The following ABCA13 variants were observed in gnomAD, a reference collection of about 807,000 sequenced individuals.
ABCA13 encodes the protein ATP binding cassette subfamily A member 13, also known as ATP-binding cassette sub-family A member 13.
ABCA13 carries 476 observed loss-of-function variants against 478.7 expected under a neutral mutation model. The observed-to-expected ratio is 0.99, with a 90% CI of 0.92 to 1.07. The LOEUF is 1.07. Ranked by LOEUF, ABCA13 falls within the 50% of genes least tolerant of loss-of-function variation. ABCA13 has a pLI of 0.00. For synonymous variants in ABCA13, 2,252 were observed against 2,158.9 expected (o/e 1.04, Z -1.20); for missense variants, 6,060 against 5,910.6 (o/e 1.03, Z -0.83).
intron 23 of ABCA13, among the ~76,000 whole-genome samples, chr7:48,307,955 A>C (rs1274344820): frequency 6.6e-6 from 1 of 152,156 alleles, no homozygotes; most frequent in Non-Finnish European, 1.5e-5. Flanking sequence ...AAGTACTGGG[A>C]TTATAGGTGT....
intron 10 of ABCA13, among the ~76,000 whole-genome samples, chr7:48,241,474 G>A (rs372133741): frequency 1.3e-5 from 2 of 152,156 alleles, no homozygotes; most frequent in East Asian, 3.8e-4. Context: ...TAAAGATTTT[G>A]TATAGTTGAA....
chr7:48,212,169 C>T (rs1460731009), intron 3 of ABCA13, among the ~76,000 whole-genome samples: 1 of 152,104 alleles, frequency 6.6e-6, no homozygotes, highest in Non-Finnish European at 1.5e-5. Context: ...TCTAAATGCT[C>T]CCTCTGTGGG....
At chr7:48,211,070 G>C (rs1262466923) in intron 3 of ABCA13, among the ~76,000 whole-genome samples, 3 of 152,144 alleles carry the variant, frequency 2.0e-5, no homozygotes, top group Admixed American at 1.3e-4. Context: ...ACATTTCGCT[G>C]TCTGAGAGGT....
At chr7:48,364,108 G>T (rs1811308946) in intron 31 of ABCA13, among the ~76,000 whole-genome samples, 1 of 148,800 alleles carries the variant, frequency 6.7e-6, no homozygotes, top group African/African-American at 2.4e-5. Flanking sequence ...CCTGGTGGTG[G>T]TGAGGACCAG....
chr7:48,489,202 C>T (rs778458948), intron 47 of ABCA13, 34 bp from the exon 48 acceptor site: 39 of 1,516,526 alleles, frequency 2.6e-5, no homozygotes, highest in Non-Finnish European at 3.1e-5. Context: ...GAGCTAATTT[C>T]GTGAGAGCCA....
chr7:48,444,997 CTCTT>C (rs1396136702), intron 42 of ABCA13, among the ~76,000 whole-genome samples: 276 of 141,296 alleles, frequency 2.0e-3, no homozygotes, highest in African/African-American at 5.1e-3. Context: ...CTTTCTTTCT[CTCTT>C]TCTTTCTTTC....
intron 43 of ABCA13, among the ~76,000 whole-genome samples, chr7:48,458,636 A>C (rs1205374403): frequency 1.3e-5 from 2 of 152,210 alleles, no homozygotes; most frequent in East Asian, 3.9e-4. Flanking sequence ...ATTCACTGAA[A>C]ATTTCTTGCA....
chr7:48,410,463 A>G, intron 39 of ABCA13, 57 bp from the exon 40 acceptor site: 1 of 1,592,792 alleles, frequency 6.3e-7, no homozygotes, highest in Non-Finnish European at 8.6e-7. Context: ...AAAGGAGGGA[A>G]GGTCCTCCTG....
rs1486618853 is a variant in ABCA13, at chr7:48,220,716, A to G, written c.440-565A>G. ...CCAAATGATGGAGTTCTTATATTAC[A>G]CTCTATTTTGGGGTCATTCTACTTT... is the stretch of plus-strand genomic sequence containing the variant. On this transcript the variant is annotated intron_variant, in intron 4 of 61. Transcript: ENST00000435803. Among the ~76,000 whole-genome samples the G allele has an allele frequency of 4.6e-5, 7 of 152,064 alleles. No homozygotes were observed. The Middle Eastern group carries it at 0.01, about 222-fold the overall frequency.
rs1161053918 is a variant in ABCA13, at chr7:48,278,297, C to T, written c.7103C>T (p.Ala2368Val). The T allele has an allele frequency of 9.9e-6, 16 of 1,612,224 alleles. No individual in the cohort carries two copies. The highest frequency in any genetic ancestry group is 1.3e-5 in the African/African-American group (1 of 75,006). The change falls in exon 18 of 62, where the codon GCC (alanine) becomes GTC (valine). Residue 2368 changes from alanine to valine, a missense_variant. By Grantham distance (64) the Ala-to-Val change is moderately conservative (BLOSUM62 0). Coordinates refer to ENST00000435803, the MANE Select transcript of ABCA13 (RefSeq NM_152701.5). ...GLKFMQDLFN[A>V]LLRETSMKNK... is the part of the protein sequence containing the mutation. ...AAGTTCATGCAAGATTTATTTAATG[C>T]CCTTCTCAGGGAAACTTCAATGAAA...
intron 60 of ABCA13, 123 bp downstream of exon 60, chr7:48,643,516 G>A: frequency 1.2e-6 from 1 of 804,218 alleles, no homozygotes; most frequent in East Asian, 2.6e-5. Flanking sequence ...TAGCCACATT[G>A]CAAAGTATAG....
In ABCA13 at chr7:48,279,224, T is replaced by C. The variant is rs778285795; in HGVS notation, c.8030T>C (p.Ile2677Thr). 2.5e-6 allele frequency: 4 copies of C among 1,590,466 alleles called. No individual in the cohort carries two copies. The highest frequency in any genetic ancestry group is 2.3e-5 in the South Asian group (2 of 88,218). The change falls in exon 18 of 62, where the codon ATT becomes ACT. Residue 2677 changes from isoleucine to threonine, a missense_variant. Physicochemically the swap from Ile to Thr is moderately conservative, Grantham distance 89. This residue lies in a region of ABCA13 where 4,423 missense variants were observed against 4,309.1 expected (regional missense o/e 1.03). Coordinates refer to ENST00000435803, the MANE Select transcript of ABCA13 (RefSeq NM_152701.5). Reference protein sequence around the residue: ...SMDSVNLREEILGCLVPINNI... With the variant: ...SMDSVNLREETLGCLVPINNI... ...GATTCTGTCAACTTACGGGAAGAAA[T>C]TCTGGGTTGCTTAGTTCCTATAAAT...
chr7:48,276,072 G>T lies in ABCA13; in HGVS notation c.6406G>T (p.Glu2136Ter), dbSNP rs1796263921. The T allele has an allele frequency of 2.5e-6, 4 of 1,605,756 alleles. No individual in the cohort carries two copies. Among genetic ancestry groups the T allele is most frequent in the Non-Finnish European group, 3.4e-6 (4 of 1,175,646 alleles). The change falls in exon 17 of 62, where the codon GAG becomes TAG. Residue 2136 changes from glutamate (E) to a stop codon, truncating the protein, a stop_gained. Transcript: ENST00000435803. LOFTEE classifies it high-confidence loss of function. ...AAACTGGCTTCAGGAATATGCAAAT[G>T]AGGATTACTCCAGAATGATAGAAAC... ...TKNWLQEYAN[E>*]DYSRMIETLF...
intron 41 of ABCA13, among the ~76,000 whole-genome samples, chr7:48,423,498 C>T (rs1406270264): frequency 6.9e-6 from 1 of 144,452 alleles, no homozygotes; most frequent in Non-Finnish European, 1.5e-5. Context: ...TCTCATGCTG[C>T]TTGACAACAC....
intron 42 of ABCA13, among the ~76,000 whole-genome samples, chr7:48,448,607 A>G (rs1585368103): frequency 6.6e-6 from 1 of 152,350 alleles, no homozygotes; most frequent in African/African-American, 2.4e-5. Context: ...TGGAAATTTT[A>G]ATGGCATGAC....
intron 58 of ABCA13, among the ~76,000 whole-genome samples, chr7:48,606,714 G>T (rs907569838): frequency 2.0e-5 from 3 of 152,330 alleles, no homozygotes; most frequent in Admixed American, 6.5e-5. Context: ...TGAGGAGGCA[G>T]TCTGTCCCTT....
intron 2 of ABCA13, among the ~76,000 whole-genome samples, chr7:48,196,538 A>G (rs2128907861): frequency 6.6e-6 from 1 of 152,300 alleles, no homozygotes; most frequent in Non-Finnish European, 1.5e-5. Flanking sequence ...GGACTTGGTG[A>G]GAAAGCCAGT....
intron 42 of ABCA13, among the ~76,000 whole-genome samples, chr7:48,451,196 C>T (rs1482104201): frequency 6.6e-6 from 1 of 151,964 alleles, no homozygotes; most frequent in Non-Finnish European, 1.5e-5. Flanking sequence ...CAGGGTTTCA[C>T]CATGTTGGAC....
chr7:48,196,320 C>T (rs1562752415), intron 2 of ABCA13, among the ~76,000 whole-genome samples: 1 of 152,104 alleles, frequency 6.6e-6, no homozygotes, highest in Non-Finnish European at 1.5e-5. Context: ...GAAATGTTTC[C>T]TAGAGGTATG....
Sources: gnomAD v4.1 joint callset for allele counts (sites outside exome capture counted in the v4.1 genomes callset) on GRCh38, gnomAD v4.1.1 for gene constraint, gnomAD v4.1.1 regional missense constraint, MANE v1.5 for transcripts, NCBI Gene and HGNC (gene_info 2026-07-23, HGNC 2026-07-21) for gene names.